The following PDGFD variants were observed in gnomAD, a reference collection of about 807,000 sequenced individuals.
PDGFD encodes the protein platelet derived growth factor D, also known as platelet-derived growth factor D.
Under a neutral mutation model 44.7 loss-of-function variants are expected in PDGFD, and 30 were observed. The ratio of observed to expected loss-of-function variants is 0.67; its 90% CI spans 0.50 to 0.91. The LOEUF (loss-of-function observed/expected upper bound fraction) is 0.91, where lower values mean the gene tolerates loss of function less well. PDGFD is among the 40% of genes least tolerant of loss of function. The pLI, the probability that PDGFD is intolerant of heterozygous loss-of-function variation, is 0.00. For missense variants in PDGFD, 445 were observed against 457.8 expected (o/e 0.97, Z 0.25); for synonymous variants, 173 against 168.4 (o/e 1.03, Z -0.21).
intron 1 of PDGFD, among the ~76,000 whole-genome samples, chr11:104,150,193 T>G (rs1050559344): frequency 1.3e-5 from 2 of 152,070 alleles, no homozygotes; most frequent in East Asian, 3.9e-4. Context: ...TAATGAAAAT[T>G]TTAAAGAATA....
intron 1 of PDGFD, among the ~76,000 whole-genome samples, chr11:104,026,651 A>C (rs965744624): frequency 2.0e-5 from 3 of 152,332 alleles, no homozygotes; most frequent in African/African-American, 7.2e-5. Context: ...TCATTTGTCT[A>C]GAGCAGTCCC....
At chr11:104,035,524 A>C (rs1159596869) in intron 1 of PDGFD, among the ~76,000 whole-genome samples, 1 of 150,536 alleles carries the variant, frequency 6.6e-6, no homozygotes, top group Non-Finnish European at 1.5e-5. Context: ...ACCTGCTTCA[A>C]ATCTTTTCCC....
chr11:104,100,361 T>A (rs1265691630), intron 1 of PDGFD, among the ~76,000 whole-genome samples: 1 of 152,014 alleles, frequency 6.6e-6, no homozygotes, highest in African/African-American at 2.4e-5. Context: ...CTAGAAAATC[T>A]AGAAGAAATG....
At chr11:103,960,268 C>T (rs1858915472) in intron 3 of PDGFD, among the ~76,000 whole-genome samples, 1 of 152,192 alleles carries the variant, frequency 6.6e-6, no homozygotes, top group South Asian at 2.1e-4. Context: ...TATTGCTTCT[C>T]CTCTACTGGA....
intron 3 of PDGFD, among the ~76,000 whole-genome samples, chr11:103,974,622 T>A (rs867800984): frequency 1.3e-5 from 2 of 152,054 alleles, no homozygotes; most frequent in African/African-American, 4.8e-5. Context: ...ATGCTCTCCC[T>A]CCCCTTGCCC....
chr11:104,086,694 C>A (rs1221450794), intron 1 of PDGFD, among the ~76,000 whole-genome samples: 1 of 152,160 alleles, frequency 6.6e-6, no homozygotes, highest in African/African-American at 2.4e-5. Flanking sequence ...TGTCACAATA[C>A]TTTTTTCCCA....
At chr11:104,128,510 C>T (rs879889182) in intron 1 of PDGFD, among the ~76,000 whole-genome samples, 2 of 152,114 alleles carry the variant, frequency 1.3e-5, no homozygotes, top group Non-Finnish European at 2.9e-5. Flanking sequence ...CATAAAAAGG[C>T]TGGCACAAAT....
intron 1 of PDGFD, among the ~76,000 whole-genome samples, chr11:104,031,074 G>A (rs1860117011): frequency 6.6e-6 from 1 of 152,058 alleles, no homozygotes; most frequent in Non-Finnish European, 1.5e-5. Context: ...TTGGGACATG[G>A]GCATGGACAA....
chr11:104,111,762 T>C (rs1218041324), intron 1 of PDGFD, among the ~76,000 whole-genome samples: 1 of 152,158 alleles, frequency 6.6e-6, no homozygotes, highest in Non-Finnish European at 1.5e-5. Flanking sequence ...CTAAGTAGAG[T>C]AAATAAATGA....
At chr11:103,909,898 T>G in intron 6 of PDGFD, 79 bp from the exon 7 acceptor site, 1 of 1,557,792 alleles carries the variant, frequency 6.4e-7, no homozygotes. Flanking sequence ...ATTACCTTTT[T>G]GACAACTAGT....
intron 1 of PDGFD, among the ~76,000 whole-genome samples, chr11:104,012,592 CT>C (rs551128769): frequency 1.4e-3 from 218 of 152,290 alleles, no homozygotes; most frequent in African/African-American, 4.9e-3. Flanking sequence ...CTTCAAATAT[CT>C]TTGTGTAGAC....
At chr11:104,036,135 T>C (rs1277750253) in intron 1 of PDGFD, among the ~76,000 whole-genome samples, 1 of 152,124 alleles carries the variant, frequency 6.6e-6, no homozygotes, top group African/African-American at 2.4e-5. Context: ...AATGATAATA[T>C]GCTGTTTAGA....
intron 3 of PDGFD, among the ~76,000 whole-genome samples, chr11:103,993,124 G>T (rs1859484208): frequency 6.6e-6 from 1 of 152,150 alleles, no homozygotes; most frequent in Non-Finnish European, 1.5e-5. Flanking sequence ...CAGGAGTGCA[G>T]TGGTGGCATC....
chr11:103,976,905 T>C (rs1210469019), intron 3 of PDGFD, among the ~76,000 whole-genome samples: 1 of 151,900 alleles, frequency 6.6e-6, no homozygotes, highest in Non-Finnish European at 1.5e-5. Context: ...AGCCAGGAGC[T>C]GTATTTTTGA....
At chr11:103,998,908 T>C (rs993099550) in intron 2 of PDGFD, among the ~76,000 whole-genome samples, 8 of 152,202 alleles carry the variant, frequency 5.3e-5, no homozygotes, top group African/African-American at 1.7e-4. Context: ...AAACAGATCA[T>C]GGTACCCTCC....
intron 1 of PDGFD, among the ~76,000 whole-genome samples, chr11:104,152,704 C>T (rs1862262667): frequency 6.6e-6 from 1 of 151,910 alleles, no homozygotes; most frequent in Non-Finnish European, 1.5e-5. Context: ...ATTGAAAATT[C>T]TCCATATTTC....
chr11:103,922,126 C>T (rs918494640), intron 6 of PDGFD, among the ~76,000 whole-genome samples: 1 of 152,054 alleles, frequency 6.6e-6, no homozygotes, highest in Non-Finnish European at 1.5e-5. Flanking sequence ...TGGCTGTTGA[C>T]TAAATGGATA....
intron 1 of PDGFD, among the ~76,000 whole-genome samples, chr11:104,032,073 G>A (rs1358099097): frequency 6.6e-6 from 1 of 152,064 alleles, no homozygotes; most frequent in African/African-American, 2.4e-5. Context: ...TGTGTTGATA[G>A]GTGATGCAAA....
At chr11:104,156,388 T>A (rs1405641951) in intron 1 of PDGFD, among the ~76,000 whole-genome samples, 1 of 152,066 alleles carries the variant, frequency 6.6e-6, no homozygotes, top group East Asian at 1.9e-4. Flanking sequence ...AATAAAATTT[T>A]AAAAATGAAT....
Sources: allele counts gnomAD v4.1 joint callset (sites outside exome capture counted in the v4.1 genomes callset), GRCh38; gene constraint gnomAD v4.1.1; transcripts MANE v1.5; gene names NCBI Gene and HGNC (gene_info 2026-07-23, HGNC 2026-07-21).